The following OSBP2 variants were observed in gnomAD, a reference collection of about 807,000 sequenced individuals.
OSBP2 encodes oxysterol binding protein 2.
OSBP2 carries 66 observed loss-of-function variants against 96.0 expected under a neutral mutation model. The observed-to-expected ratio is 0.69, with a 90% CI of 0.56 to 0.84. OSBP2 has a LOEUF of 0.84. Ranked by LOEUF, OSBP2 falls within the 40% of genes least tolerant of loss-of-function variation. The probability of loss-of-function intolerance (pLI) is 0.00; values close to 1 mark genes in which losing one functional copy is unlikely to be tolerated. For missense variants in OSBP2, 1,038 were observed against 1,222.7 expected, an observed-to-expected ratio of 0.85 and a Z score of 2.25; for synonymous variants, 525 against 520.9, an observed-to-expected ratio of 1.01 and a Z score of -0.11.
At chr22:30,780,505 T>C (rs1031689404) in intron 2 of OSBP2, among the ~76,000 whole-genome samples, 2 of 152,200 alleles carry the variant, frequency 1.3e-5, no homozygotes, top group Non-Finnish European at 2.9e-5. Context: ...TGTTTGTTTT[T>C]TGTTTTTCTT....
rs1355381602 is a variant in OSBP2 at position 30,906,310 on chromosome 22, G to A, written c.2722G>A (p.Asp908Asn). 2 of 1,612,862 alleles carry A rather than the reference G, an allele frequency of 1.2e-6. No individual in the cohort carries two copies. The highest frequency in any genetic ancestry group is 1.3e-5 in the African/African-American group (1 of 75,040). The change falls in exon 14 of 14, where the codon GAC (aspartate) becomes AAC (asparagine). Residue 908 changes from aspartate (D) to asparagine (N), a missense_variant. This residue lies in a region of OSBP2 where 737 missense variants were observed against 913.3 expected (regional missense o/e 0.81). Coordinates refer to ENST00000332585, the MANE Select transcript of OSBP2 (RefSeq NM_030758.4). ...CTACTGGGAGGCCAAGGAGAAGCAAGACTGGCATATGTGCCCCAACATCTT... is the reference window on the plus strand; with the variant it reads ...CTACTGGGAGGCCAAGGAGAAGCAAAACTGGCATATGTGCCCCAACATCTT... ...GGYWEAKEKQ[D>N]WHMCPNIF
chr22:30,880,254 G>C (rs2039672604), intron 3 of OSBP2, among the ~76,000 whole-genome samples: 1 of 152,162 alleles, frequency 6.6e-6, no homozygotes, highest in Admixed American at 6.5e-5. Context: ...CAGCGTGGAG[G>C]GTGGGTAGCC....
At chr22:30,760,776 C>T (rs1475877348) in intron 2 of OSBP2, among the ~76,000 whole-genome samples, 9 of 151,582 alleles carry the variant, frequency 5.9e-5, no homozygotes, top group South Asian at 2.1e-4. Flanking sequence ...GGAGATCGCA[C>T]CACTGCACCC....
chr22:30,759,311 G>A (rs2090179386), intron 2 of OSBP2, among the ~76,000 whole-genome samples: 1 of 152,196 alleles, frequency 6.6e-6, no homozygotes, highest in South Asian at 2.1e-4. Flanking sequence ...TTGCACCACT[G>A]CACTCCAGAG....
At chr22:30,875,013 C>T (rs1438679411) in intron 3 of OSBP2, among the ~76,000 whole-genome samples, 3 of 152,226 alleles carry the variant, frequency 2.0e-5, no homozygotes, top group East Asian at 1.9e-4. Flanking sequence ...ACAGTAGCTC[C>T]GTGGGAGTGC....
At chr22:30,852,147 T>C (rs2147061934) in intron 2 of OSBP2, among the ~76,000 whole-genome samples, 1 of 152,282 alleles carries the variant, frequency 6.6e-6, no homozygotes, top group Middle Eastern at 3.4e-3. Context: ...GTCTTTCTGC[T>C]TTTGCTTTCA....
rs145649908 is a variant in OSBP2 at position 30,901,482 on chromosome 22, C to T, written c.2376-4355C>T. Among the ~76,000 whole-genome samples, 1,007 of 152,354 alleles carry T rather than the reference C, an allele frequency of 6.6e-3. 4 individuals are homozygous for T. The highest frequency in any genetic ancestry group is 0.01 in the Non-Finnish European group (710 of 68,028). On this transcript the variant is annotated intron_variant, in intron 12 of 13. Coordinates refer to ENST00000332585, the MANE Select transcript of OSBP2 (RefSeq NM_030758.4). ...ATATGGCCAGTCATCACATAAAAAACATGTATGTTGAAGAAGCTGTAGAGC... is the reference window on the plus strand; with the variant it reads ...ATATGGCCAGTCATCACATAAAAAATATGTATGTTGAAGAAGCTGTAGAGC...
chr22:30,817,950 AGT>A (rs2146970667), intron 2 of OSBP2, among the ~76,000 whole-genome samples: 1 of 152,238 alleles, frequency 6.6e-6, no homozygotes, highest in African/African-American at 2.4e-5. Context: ...GCTTGAGTGC[AGT>A]GATTTGATCT....
At chr22:30,831,686 C>T (rs2038525054) in intron 2 of OSBP2, among the ~76,000 whole-genome samples, 1 of 152,130 alleles carries the variant, frequency 6.6e-6, no homozygotes, top group South Asian at 2.1e-4. Context: ...GCTGGCACTG[C>T]CCCTGTTCTC....
intron 5 of OSBP2, among the ~76,000 whole-genome samples, chr22:30,888,547 GC>G (rs1453144376): frequency 6.6e-6 from 1 of 152,148 alleles, no homozygotes; most frequent in Non-Finnish European, 1.5e-5. Context: ...GGGCAACATG[GC>G]GAAACCCTGT....
At position 30,694,936 on chromosome 22, in the gene OSBP2, A is replaced by G; in HGVS notation, c.27A>G (p.Arg9=). Residue 9 remains arginine (R), a synonymous_variant, in exon 1 of 14, where the codon CGA becomes CGG. Coordinates refer to ENST00000332585, the MANE Select transcript of OSBP2 (RefSeq NM_030758.4). The stretch of plus-strand genomic sequence containing the variant: ...TGGGGAAAGCGGCGGCTCCGAGCCG[A>G]GGCGGCGGCTGTGGCGGCCGCTCCC... MGKAAAPS[R]GGGCGGRSRG... 6.6e-7 allele frequency: 1 copy of G among 1,504,690 alleles called. No homozygotes were observed. Among genetic ancestry groups the G allele is most frequent in the Non-Finnish European group, 8.8e-7 (1 of 1,137,724 alleles). The allele number at this position is 1,504,690 out of a possible 1,614,324, so 93.2% of individuals were successfully genotyped here.
intron 1 of OSBP2, among the ~76,000 whole-genome samples, chr22:30,740,940 G>A (rs978492732): frequency 2.6e-5 from 4 of 152,088 alleles, no homozygotes; most frequent in Non-Finnish European, 5.9e-5. Flanking sequence ...GCAGGCTCCC[G>A]TCCCTCTGCC....
chr22:30,727,348 G>C (rs1397687833), intron 1 of OSBP2, among the ~76,000 whole-genome samples: 1 of 152,138 alleles, frequency 6.6e-6, no homozygotes, highest in Non-Finnish European at 1.5e-5. Context: ...TCTGTGGCCA[G>C]TGCCCAAGTA....
intron 3 of OSBP2, among the ~76,000 whole-genome samples, chr22:30,877,410 T>A (rs1285578043): frequency 2.0e-5 from 3 of 152,184 alleles, no homozygotes; most frequent in African/African-American, 7.2e-5. Context: ...CCACAGGTGC[T>A]CGGCCAGGCA....
chr22:30,789,237 C>T (rs2090639737), intron 2 of OSBP2, among the ~76,000 whole-genome samples: 1 of 152,154 alleles, frequency 6.6e-6, no homozygotes, highest in South Asian at 2.1e-4. Flanking sequence ...CTCAACGGCT[C>T]TCAGAGGCTT....
chr22:30,888,794 T>C (rs966693603), intron 5 of OSBP2, among the ~76,000 whole-genome samples: 1 of 152,134 alleles, frequency 6.6e-6, no homozygotes, highest in Non-Finnish European at 1.5e-5. Context: ...TCATAGAGTA[T>C]ACTTACACAA....
chr22:30,897,370 T>C (rs891225446), intron 12 of OSBP2, among the ~76,000 whole-genome samples: 4 of 152,180 alleles, frequency 2.6e-5, no homozygotes, highest in Non-Finnish European at 4.4e-5. Flanking sequence ...ATATATGCTA[T>C]TACCGACTCA....
intron 2 of OSBP2, among the ~76,000 whole-genome samples, chr22:30,748,009 T>C (rs2090027089): frequency 6.6e-6 from 1 of 151,022 alleles, no homozygotes; most frequent in Admixed American, 6.6e-5. Context: ...AGTCTGTAGC[T>C]GGGACTACAG....
At chr22:30,779,412 G>T (rs1008701716) in intron 2 of OSBP2, among the ~76,000 whole-genome samples, 1 of 151,942 alleles carries the variant, frequency 6.6e-6, no homozygotes, top group African/African-American at 2.4e-5. Context: ...TAAAATTTTG[G>T]TTTTTATATA....
Sources: gnomAD v4.1 joint callset for allele counts (sites outside exome capture counted in the v4.1 genomes callset) on GRCh38, gnomAD v4.1.1 for gene constraint, gnomAD v4.1.1 regional missense constraint, MANE v1.5 for transcripts, NCBI Gene and HGNC (gene_info 2026-07-23, HGNC 2026-07-21) for gene names.